DAPK1: variants seen among roughly 807,000 people sequenced by gnomAD.
DAPK1 encodes death-associated protein kinase 1.
Under a neutral mutation model 144.9 loss-of-function variants are expected in DAPK1, and 56 were observed. The observed-to-expected ratio is 0.39, with a 90% CI of 0.31 to 0.48. The LOEUF (loss-of-function observed/expected upper bound fraction) is 0.48, where lower values mean the gene tolerates loss of function less well. DAPK1 is among the 20% of genes least tolerant of loss of function. The pLI is 0.95. For synonymous variants in DAPK1, 690 were observed against 749.0 expected (o/e 0.92, Z 1.29); for missense variants, 1,454 against 1,875.4 (o/e 0.78, Z 4.15).
chr9:87,511,244 C>T (rs1029263985), intron 2 of DAPK1, among the ~76,000 whole-genome samples: 2 of 152,180 alleles, frequency 1.3e-5, no homozygotes, highest in African/African-American at 4.8e-5. Flanking sequence ...TCCGACTGGA[C>T]TCAGTTTATG....
intron 2 of DAPK1, among the ~76,000 whole-genome samples, chr9:87,563,702 G>A (rs1240714337): frequency 6.6e-6 from 1 of 152,212 alleles, no homozygotes; most frequent in African/African-American, 2.4e-5. Flanking sequence ...AGGTGAGGCT[G>A]TCAGCCCACC....
chr9:87,568,983 A>T (rs1244517910), intron 2 of DAPK1, among the ~76,000 whole-genome samples: 1 of 152,236 alleles, frequency 6.6e-6, no homozygotes, highest in Non-Finnish European at 1.5e-5. Context: ...GGAGTGATTA[A>T]AAAATACTGG....
intron 21 of DAPK1, among the ~76,000 whole-genome samples, chr9:87,694,383 C>T (rs1443786941): frequency 6.6e-6 from 1 of 152,132 alleles, no homozygotes; most frequent in African/African-American, 2.4e-5. Flanking sequence ...ACAGCATATT[C>T]AGGCTCTTAG....
At chr9:87,696,658 G>C (rs991267791) in intron 21 of DAPK1, among the ~76,000 whole-genome samples, 1 of 152,076 alleles carries the variant, frequency 6.6e-6, no homozygotes, top group African/African-American at 2.4e-5. Flanking sequence ...ACGTTCTCAG[G>C]ACCTAATCCA....
intron 21 of DAPK1, among the ~76,000 whole-genome samples, chr9:87,687,848 G>GT (rs1824920567): frequency 6.6e-6 from 1 of 151,914 alleles, no homozygotes; most frequent in Non-Finnish European, 1.5e-5. Flanking sequence ...TCTGATTGGT[G>GT]TAAGAGGGTG....
chr9:87,648,711 C>A, intron 14 of DAPK1, 70 bp from the exon 15 acceptor site: 1 of 1,372,560 alleles, frequency 7.3e-7, no homozygotes, highest in Non-Finnish European at 1.0e-6. Context: ...TGGGTGTAGG[C>A]CTTGGGTTCT....
At position 87,706,667 on chromosome 9, in the gene DAPK1, G is replaced by A. The variant is rs953877229; in HGVS notation, c.3596G>A (p.Arg1199His). The A allele has an allele frequency of 1.1e-5, 18 of 1,610,112 alleles. No individual in the cohort carries two copies. The highest frequency in any genetic ancestry group is 3.3e-5 in the South Asian group (3 of 91,006). The change falls in exon 26 of 26, where the codon CGC becomes CAC. Residue 1199 changes from arginine (R) to histidine (H), a missense_variant. Arg to His is a conservative substitution (Grantham distance 29, BLOSUM62 0). Coordinates refer to ENST00000408954, the MANE Select transcript of DAPK1 (RefSeq NM_004938.4). The surrounding 1 kb of genome is among the most constrained non-coding windows in gnomAD (Gnocchi z 9.0). ...GGCCAGGGCATTGAGGTCCAGGTCC[G>A]CGGCCTGGAGACGGAGAAGATCAAG... Reference protein sequence around the residue: ...NHGQGIEVQVRGLETEKIKCC... With the variant: ...NHGQGIEVQVHGLETEKIKCC...
rs36213056 is a variant in DAPK1 at position 87,646,454 on chromosome 9, A to G, written c.1132-7A>G. 9.5e-4 allele frequency: 1,523 copies of G among 1,605,502 alleles called. 15 individuals are homozygous for G. In the African/African-American group the frequency reaches 0.018, roughly 19 times the overall value. The stretch of plus-strand genomic sequence containing the variant: ...AAAATTAGTAATTTTTTTCTTGCCT[A>G]TTCTAGCACGGGACACCTCCATTAC... On this transcript the variant is annotated splice_polypyrimidine_tract_variant and splice_region_variant and intron_variant, in intron 12 of 25. Coordinates refer to ENST00000408954, the MANE Select transcript of DAPK1 (RefSeq NM_004938.4).
intron 18 of DAPK1, among the ~76,000 whole-genome samples, chr9:87,659,830 C>T (rs539299896): frequency 2.6e-5 from 4 of 150,990 alleles, no homozygotes; most frequent in East Asian, 1.9e-4. Context: ...ACACCGCACC[C>T]GCAGTCACTC....
intron 18 of DAPK1, among the ~76,000 whole-genome samples, chr9:87,664,242 C>T (rs1241363997): frequency 6.6e-6 from 1 of 152,144 alleles, no homozygotes; most frequent in Non-Finnish European, 1.5e-5. Flanking sequence ...CTGGGAAGCC[C>T]CTGCCGGCTC....
Position 87,640,913 on chromosome 9 carries a change from T to G in DAPK1, c.828+66T>G, listed in dbSNP as rs1296302330. On this transcript the variant is annotated intron_variant, in intron 9 of 25. Transcript: ENST00000408954. ...GTGATTGGTTTGGGCACCCTGGTAT[T>G]CATGTATCATAGAGTACTGCTAACC... 6 of 1,464,678 alleles carry G rather than the reference T, an allele frequency of 4.1e-6. No homozygotes were observed. In the African/African-American group the frequency reaches 8.4e-5, roughly 20 times the overall value. 90.7% of individuals were successfully genotyped at this position (1,464,678 alleles called of 1,614,324 possible). A position where few individuals can be genotyped will look rare whatever the true frequency, so the allele number is the denominator to read the frequency against.
chr9:87,697,915 C>T (rs192754244), intron 22 of DAPK1, among the ~76,000 whole-genome samples: 1 of 152,312 alleles, frequency 6.6e-6, no homozygotes, highest in African/African-American at 2.4e-5. Flanking sequence ...GATCGTGCCA[C>T]TGCACTTAGC....
In DAPK1 at chr9:87,571,498, A is replaced by ACACACACACAC. The variant is rs1554684284; in HGVS notation, c.63-33456_63-33455insCACACACACAC. ...ACCAACACACACACACACACACCCCAACACACACACACACACACACACACA... is the reference window on the plus strand; with the variant it reads ...ACCAACACACACACACACACACCCCACACACACACACACACACACACACACACACACACACA... On this transcript the variant is annotated intron_variant, in intron 2 of 25. Transcript: ENST00000408954. Among the ~76,000 whole-genome samples, 109 of 46,500 alleles carry ACACACACACAC rather than the reference A, an allele frequency of 2.3e-3. 10 individuals are homozygous for ACACACACACAC. The highest frequency in any genetic ancestry group is 7.5e-3 in the African/African-American group (78 of 10,440). The allele number at this position is 46,500 out of a possible 152,430, so 30.5% of individuals were successfully genotyped here. A position where few individuals can be genotyped will look rare whatever the true frequency, so the allele number is the denominator to read the frequency against.
intron 3 of DAPK1, among the ~76,000 whole-genome samples, chr9:87,622,039 G>C (rs1829312988): frequency 6.8e-6 from 1 of 146,146 alleles, no homozygotes; most frequent in Non-Finnish European, 1.5e-5. Flanking sequence ...TGGCTTTCAT[G>C]CTGGCTGCCT....
chr9:87,584,452 G>C (rs2118846155), intron 2 of DAPK1, among the ~76,000 whole-genome samples: 1 of 151,372 alleles, frequency 6.6e-6, no homozygotes, highest in African/African-American at 2.4e-5. Context: ...GATTTCATTT[G>C]CTTTGGATAT....
At chr9:87,638,545 A>G (rs1032267180) in intron 4 of DAPK1, among the ~76,000 whole-genome samples, 4 of 152,184 alleles carry the variant, frequency 2.6e-5, no homozygotes, top group African/African-American at 9.7e-5. Flanking sequence ...ACGCTGTTGG[A>G]GATGAAAGGG....
At chr9:87,600,768 G>A (rs1828487268) in intron 2 of DAPK1, among the ~76,000 whole-genome samples, 1 of 152,146 alleles carries the variant, frequency 6.6e-6, no homozygotes, top group Admixed American at 6.5e-5. Context: ...CTGTATTAAT[G>A]GTAATTAATT....
intron 2 of DAPK1, among the ~76,000 whole-genome samples, chr9:87,576,518 T>G (rs1171143770): frequency 6.6e-6 from 1 of 152,204 alleles, no homozygotes; most frequent in Non-Finnish European, 1.5e-5. Context: ...ATGAGCTGCC[T>G]GTTACTGATA....
At chr9:87,569,085 A>G in intron 2 of DAPK1, among the ~76,000 whole-genome samples, 1 of 152,162 alleles carries the variant, frequency 6.6e-6, no homozygotes, top group East Asian at 1.9e-4. Flanking sequence ...CATTAACCTC[A>G]GTGGTTCTCA....
Sources: gnomAD v4.1 joint callset for allele counts (sites outside exome capture counted in the v4.1 genomes callset) on GRCh38, gnomAD v4.1.1 for gene constraint, Gnocchi (gnomAD v3.1) non-coding constraint, MANE v1.5 for transcripts, NCBI Gene and HGNC (gene_info 2026-07-23, HGNC 2026-07-21) for gene names.